The following RSRC1 variants were observed in gnomAD, a reference collection of about 807,000 sequenced individuals.
RSRC1 encodes the protein serine/Arginine-related protein 53.
RSRC1 carries 39 observed loss-of-function variants against 49.1 expected under a neutral mutation model. That is an observed-to-expected ratio of 0.79 (90% CI 0.61 to 1.04). The LOEUF (loss-of-function observed/expected upper bound fraction) is 1.04. Among genes scored for constraint, RSRC1 ranks in the 50% least tolerant of loss-of-function variants. The probability of loss-of-function intolerance (pLI) is 0.00; values close to 1 mark genes in which losing one functional copy is unlikely to be tolerated. For synonymous variants in RSRC1, 143 were observed against 130.8 expected (o/e 1.09, Z -0.63); for missense variants, 388 against 402.4 (o/e 0.96, Z 0.31).
chr3:158,425,100 G>C (rs1735331787), intron 6 of RSRC1, among the ~76,000 whole-genome samples: 1 of 151,472 alleles, frequency 6.6e-6, no homozygotes, highest in African/African-American at 2.4e-5. Flanking sequence ...TCTGATTTTA[G>C]TTATTTCTTG....
intron 6 of RSRC1, among the ~76,000 whole-genome samples, chr3:158,429,836 G>A (rs1029862294): frequency 1.3e-5 from 2 of 151,444 alleles, no homozygotes; most frequent in South Asian, 2.1e-4. Context: ...AGTCAAATTC[G>A]TAGAATCGAG....
At chr3:158,444,358 T>G (rs901691396) in intron 6 of RSRC1, among the ~76,000 whole-genome samples, 2 of 151,904 alleles carry the variant, frequency 1.3e-5, no homozygotes, top group Non-Finnish European at 2.9e-5. Flanking sequence ...ATACCACACA[T>G]CTACAACCAT....
At chr3:158,419,460 T>C (rs1734922613) in intron 6 of RSRC1, among the ~76,000 whole-genome samples, 1 of 151,956 alleles carries the variant, frequency 6.6e-6, no homozygotes, top group African/African-American at 2.4e-5. Flanking sequence ...AAACTTGAGT[T>C]CTGTTTTTGT....
chr3:158,444,112 T>C (rs1560045265), intron 6 of RSRC1, among the ~76,000 whole-genome samples: 1 of 152,036 alleles, frequency 6.6e-6, no homozygotes, highest in African/African-American at 2.4e-5. Flanking sequence ...CTTAAAGTAT[T>C]GTCAGAATTA....
intron 3 of RSRC1, among the ~76,000 whole-genome samples, chr3:158,174,394 A>G (rs1229169389): frequency 6.6e-6 from 1 of 152,014 alleles, no homozygotes; most frequent in Non-Finnish European, 1.5e-5. Flanking sequence ...ATAAAAATGT[A>G]GAAGTGATAA....
intron 7 of RSRC1, among the ~76,000 whole-genome samples, chr3:158,533,604 A>G (rs1002161518): frequency 2.0e-5 from 3 of 151,676 alleles, no homozygotes; most frequent in African/African-American, 7.2e-5. Flanking sequence ...TTTCCTTTAC[A>G]ACTCCAAATA....
At chr3:158,180,289 A>G (rs1487087247) in intron 3 of RSRC1, among the ~76,000 whole-genome samples, 1 of 149,994 alleles carries the variant, frequency 6.7e-6, no homozygotes, top group Non-Finnish European at 1.5e-5. Context: ...ATTGTTTCTC[A>G]TATGTTTTCT....
At chr3:158,531,108 C>G (rs1283884624) in intron 7 of RSRC1, among the ~76,000 whole-genome samples, 1 of 150,436 alleles carries the variant, frequency 6.6e-6, no homozygotes, top group Non-Finnish European at 1.5e-5. Flanking sequence ...ATAAAGCACA[C>G]TCCACTAAGT....
rs1041673427 is a variant in RSRC1 at position 158,445,634 on chromosome 3, C to T, written c.584-15301C>T. Among the ~76,000 whole-genome samples the T allele has an allele frequency of 3.1e-4, 47 of 151,820 alleles. 2 individuals carry two copies. The highest frequency in any genetic ancestry group is 2.3e-3 in the Admixed American group (35 of 15,224). On this transcript the variant is annotated intron_variant, in intron 6 of 9. Coordinates refer to ENST00000611884, the MANE Select transcript of RSRC1 (RefSeq NM_001271838.2). ...AAACCTGCATGTTGTGCACATGTAC[C>T]CTCGAACTTATAACAACAACAACAA...
chr3:158,134,179 T>C (rs1225401184), intron 3 of RSRC1, among the ~76,000 whole-genome samples: 1 of 152,166 alleles, frequency 6.6e-6, no homozygotes, highest in Non-Finnish European at 1.5e-5. Flanking sequence ...ACTAGGATGG[T>C]AGGGATGAAA....
At chr3:158,395,505 A>G (rs904997101) in intron 6 of RSRC1, among the ~76,000 whole-genome samples, 3 of 152,086 alleles carry the variant, frequency 2.0e-5, no homozygotes, top group African/African-American at 7.2e-5. Flanking sequence ...CCCTATAAAA[A>G]AGTGGGAGAA....
chr3:158,355,424 A>G (rs757446977), intron 6 of RSRC1, among the ~76,000 whole-genome samples: 1 of 151,746 alleles, frequency 6.6e-6, no homozygotes, highest in Non-Finnish European at 1.5e-5. Context: ...CTCCATTTTA[A>G]TTTTTTAAAT....
In RSRC1 at chr3:158,518,118, GTGTGTGTGTA is replaced by G. The variant is rs1160397999; in HGVS notation, c.653-18972_653-18963del. Among the ~76,000 whole-genome samples the G allele has an allele frequency of 6.3e-4, 48 of 75,804 alleles. 1 individual carries two copies. The highest frequency in any genetic ancestry group is 7.1e-3 in the Middle Eastern group (1 of 140). The allele number at this position is 75,804 out of a possible 152,430, so 49.7% of individuals were successfully genotyped here. On this transcript the variant is annotated intron_variant, in intron 7 of 9. Coordinates refer to ENST00000611884, the MANE Select transcript of RSRC1 (RefSeq NM_001271838.2). ...TGCGTGTGTGTGTGTGTGTGTGTGT[GTGTGTGTGTA>G]TATATATATATATATATATATTTTT... is the stretch of plus-strand genomic sequence containing the variant.
At chr3:158,448,100 G>A (rs1030446601) in intron 6 of RSRC1, among the ~76,000 whole-genome samples, 4 of 151,738 alleles carry the variant, frequency 2.6e-5, no homozygotes, top group Non-Finnish European at 5.9e-5. Context: ...CATCTGTCTT[G>A]GAATGGGAGT....
chr3:158,136,071 CCTTA>C (rs1426466886), intron 3 of RSRC1, among the ~76,000 whole-genome samples: 1 of 152,106 alleles, frequency 6.6e-6, no homozygotes, highest in East Asian at 1.9e-4. Context: ...CATAATCACT[CCTTA>C]CTTAATTTGC....
intron 7 of RSRC1, among the ~76,000 whole-genome samples, chr3:158,490,504 G>A (rs1209263802): frequency 6.6e-6 from 1 of 152,196 alleles, no homozygotes; most frequent in Non-Finnish European, 1.5e-5. Flanking sequence ...AAAGTAGTAT[G>A]TAGTGATGTA....
chr3:158,220,747 G>C (rs913571269), intron 4 of RSRC1, among the ~76,000 whole-genome samples: 22 of 151,532 alleles, frequency 1.5e-4, no homozygotes, highest in Admixed American at 5.9e-4. Flanking sequence ...AATTCAAGCT[G>C]AATGATAGGG....
chr3:158,442,471 C>T (rs1263126735), intron 6 of RSRC1, among the ~76,000 whole-genome samples: 1 of 151,972 alleles, frequency 6.6e-6, no homozygotes, highest in Non-Finnish European at 1.5e-5. Flanking sequence ...ACTTAAGAAG[C>T]AATTTCTCAT....
At chr3:158,171,855 G>T (rs536673240) in intron 3 of RSRC1, among the ~76,000 whole-genome samples, 2 of 152,042 alleles carry the variant, frequency 1.3e-5, no homozygotes. Flanking sequence ...AGAGGCTGAG[G>T]TGGGAGGATG....
Sources: allele counts gnomAD v4.1 joint callset (sites outside exome capture counted in the v4.1 genomes callset), GRCh38; gene constraint gnomAD v4.1.1; transcripts MANE v1.5; gene names NCBI Gene and HGNC (gene_info 2026-07-23, HGNC 2026-07-21).